The following PDZRN4 variants were observed in gnomAD, a reference collection of about 807,000 sequenced individuals.
The protein encoded by PDZRN4 is PDZ domain-containing RING finger protein 4.
PDZRN4 carries 70 observed loss-of-function variants against 99.0 expected under a neutral mutation model. That is an observed-to-expected ratio of 0.71 (90% CI 0.58 to 0.86). The LOEUF (loss-of-function observed/expected upper bound fraction) is 0.86. PDZRN4 is among the 40% of genes least tolerant of loss of function. The pLI, the probability that PDZRN4 is intolerant of heterozygous loss-of-function variation, is 0.00. For missense variants in PDZRN4, 1,474 were observed against 1,331.2 expected (o/e 1.11, Z -1.67); for synonymous variants, 551 against 501.6 (o/e 1.10, Z -1.32).
chr12:41,392,525 A>G lies in PDZRN4; in HGVS notation c.844-113931A>G, dbSNP rs190093756. Among the ~76,000 whole-genome samples, 325 of 152,280 alleles carry G rather than the reference A, an allele frequency of 2.1e-3. 1 individual carries two copies. The highest frequency in any genetic ancestry group is 3.9e-3 in the Non-Finnish European group (262 of 68,026). On this transcript the variant is annotated intron_variant, in intron 3 of 9. Coordinates refer to ENST00000402685, the MANE Select transcript of PDZRN4 (RefSeq NM_001164595.2). ...AATGCATTGCACTAGAAGGCTCCAT[A>G]TTACCAGAGTATGATATGTGTATTC...
At chr12:41,206,909 T>C (rs1420566410) in intron 3 of PDZRN4, among the ~76,000 whole-genome samples, 1 of 151,992 alleles carries the variant, frequency 6.6e-6, no homozygotes. Flanking sequence ...TTAATGTTAC[T>C]CTTTTAGAGG....
rs59144217 is a variant in PDZRN4, at chr12:41,370,338, A to G, written c.844-136118A>G. On this transcript the variant is annotated intron_variant, in intron 3 of 9. Coordinates refer to ENST00000402685, the MANE Select transcript of PDZRN4 (RefSeq NM_001164595.2). ...TATTTATCTGATCACTCTCCTATAC[A>G]ATAAATTAGCCAATAATAAAATTTG... Among the ~76,000 whole-genome samples the G allele has an allele frequency of 3.9e-3, 587 of 152,096 alleles. 1 individual carries two copies. The highest frequency in any genetic ancestry group is 0.014 in the African/African-American group (567 of 41,554).
intron 3 of PDZRN4, among the ~76,000 whole-genome samples, chr12:41,483,599 C>T (rs1448747475): frequency 6.6e-6 from 1 of 152,132 alleles, no homozygotes; most frequent in Non-Finnish European, 1.5e-5. Context: ...CTGTGCTTAG[C>T]CTCCAGCTTC....
intron 3 of PDZRN4, among the ~76,000 whole-genome samples, chr12:41,327,451 G>C (rs1951717287): frequency 6.6e-6 from 1 of 152,206 alleles, no homozygotes; most frequent in South Asian, 2.1e-4. Flanking sequence ...ATCACTGCTA[G>C]AGTATGCACC....
rs1937616393 is a variant in PDZRN4, at chr12:41,477,709, A to G, written c.844-28747A>G. ...ATGAATATAAATATAAATGATGGTTATTTGGTGAACAGACCAACTCCGCAC... is the reference window on the plus strand; with the variant it reads ...ATGAATATAAATATAAATGATGGTTGTTTGGTGAACAGACCAACTCCGCAC... On this transcript the variant is annotated intron_variant, in intron 3 of 9. Coordinates refer to ENST00000402685, the MANE Select transcript of PDZRN4 (RefSeq NM_001164595.2). 4 of 654,656 alleles carry G rather than the reference A, an allele frequency of 6.1e-6. No homozygotes were observed. The East Asian group carries it at 1.1e-4, about 18-fold the overall frequency. 40.6% of individuals were successfully genotyped at this position (654,656 alleles called of 1,614,324 possible).
intron 3 of PDZRN4, among the ~76,000 whole-genome samples, chr12:41,269,156 G>A (rs1310766259): frequency 6.6e-6 from 1 of 152,150 alleles, no homozygotes; most frequent in African/African-American, 2.4e-5. Flanking sequence ...TAATGGTTCT[G>A]AAGCTAAGAA....
chr12:41,286,535 G>A (rs192376888), intron 3 of PDZRN4, among the ~76,000 whole-genome samples: 2 of 152,176 alleles, frequency 1.3e-5, no homozygotes, highest in East Asian at 3.9e-4. Context: ...GGAAGTTTGT[G>A]TACAATGGCT....
chr12:41,256,844 T>C (rs1951207516), intron 3 of PDZRN4, among the ~76,000 whole-genome samples: 1 of 152,214 alleles, frequency 6.6e-6, no homozygotes, highest in African/African-American at 2.4e-5. Context: ...ATTCATCCAA[T>C]TGAATAAGTC....
At chr12:41,493,554 G>A (rs563749794) in intron 3 of PDZRN4, among the ~76,000 whole-genome samples, 28 of 152,202 alleles carry the variant, frequency 1.8e-4, no homozygotes, top group South Asian at 4.1e-4. Context: ...GTAAAACATG[G>A]TTTTCAGAAA....
intron 3 of PDZRN4, among the ~76,000 whole-genome samples, chr12:41,376,312 A>G (rs1952079902): frequency 6.6e-6 from 1 of 152,178 alleles, no homozygotes; most frequent in Admixed American, 6.5e-5. Flanking sequence ...ACTGTTTTCC[A>G]TAATGGTTGT....
chr12:41,458,701 C>T (rs763232945), intron 3 of PDZRN4, among the ~76,000 whole-genome samples: 1 of 152,070 alleles, frequency 6.6e-6, no homozygotes, highest in Non-Finnish European at 1.5e-5. Context: ...GCCCTGGAGG[C>T]TCCTGTTGGT....
intron 3 of PDZRN4, among the ~76,000 whole-genome samples, chr12:41,356,675 G>A (rs1448276784): frequency 1.3e-5 from 2 of 151,788 alleles, no homozygotes; most frequent in African/African-American, 4.8e-5. Flanking sequence ...CACACTTTTG[G>A]GGGCTACCAG....
Position 41,573,458 on chromosome 12 carries a change from T to C in PDZRN4, c.2679T>C (p.Ile893=), listed in dbSNP as rs555539130. The change falls in exon 10 of 10, where the codon ATT becomes ATC. Residue 893 remains isoleucine (I), a synonymous_variant. Coordinates refer to ENST00000402685, the MANE Select transcript of PDZRN4 (RefSeq NM_001164595.2). The part of the protein sequence containing the change: ...SEPKMEWKVK[I]RSDGTRYITK... The stretch of plus-strand genomic sequence containing the variant: ...CCAAGATGGAATGGAAGGTGAAAAT[T>C]AGGAGCGACGGGACACGGTACATCA... The C allele has an allele frequency of 6.2e-7, 1 of 1,613,806 alleles. No individual in the cohort carries two copies. Among genetic ancestry groups the C allele is most frequent in the South Asian group, 1.1e-5 (1 of 91,064 alleles).
At chr12:41,376,819 G>C (rs1952085273) in intron 3 of PDZRN4, among the ~76,000 whole-genome samples, 2 of 152,082 alleles carry the variant, frequency 1.3e-5, no homozygotes, top group African/African-American at 4.8e-5. Flanking sequence ...GTGTCAAGGA[G>C]TTTTTCCCCT....
intron 8 of PDZRN4, among the ~76,000 whole-genome samples, chr12:41,565,389 T>G (rs1453235675): frequency 5.3e-5 from 8 of 150,938 alleles, no homozygotes; most frequent in Admixed American, 5.3e-4. Flanking sequence ...TACATTTTAA[T>G]ACCATACTTT....
intron 3 of PDZRN4, among the ~76,000 whole-genome samples, chr12:41,397,700 C>T (rs532086539): frequency 6.6e-6 from 1 of 152,212 alleles, no homozygotes; most frequent in Admixed American, 6.5e-5. Flanking sequence ...CTTACCCTTA[C>T]AAATCAAGAA....
intron 3 of PDZRN4, among the ~76,000 whole-genome samples, chr12:41,242,294 G>A (rs1361945466): frequency 6.6e-6 from 1 of 152,130 alleles, no homozygotes; most frequent in Non-Finnish European, 1.5e-5. Flanking sequence ...TGATTGATAT[G>A]CTAAAAATAA....
At chr12:41,556,385 G>T (rs1169792756) in intron 7 of PDZRN4, among the ~76,000 whole-genome samples, 4 of 152,240 alleles carry the variant, frequency 2.6e-5, no homozygotes, top group African/African-American at 4.8e-5. Context: ...AGATGGTACA[G>T]CCTACTACAC....
intron 3 of PDZRN4, among the ~76,000 whole-genome samples, chr12:41,407,110 A>G (rs1208327306): frequency 6.6e-6 from 1 of 152,132 alleles, no homozygotes; most frequent in Non-Finnish European, 1.5e-5. Flanking sequence ...TCTCAGAACT[A>G]TTCATTTATT....
Sources: allele counts gnomAD v4.1 joint callset (sites outside exome capture counted in the v4.1 genomes callset), GRCh38; gene constraint gnomAD v4.1.1; transcripts MANE v1.5; gene names NCBI Gene and HGNC (gene_info 2026-07-23, HGNC 2026-07-21).